Variants in CCDC178 observed in about 807,000 individuals in gnomAD.
CCDC178 encodes the protein coiled-coil domain containing 178, also known as coiled-coil domain-containing protein 178.
Under a neutral mutation model 117.4 loss-of-function variants are expected in CCDC178, and 126 were observed. That is an observed-to-expected ratio of 1.07 (90% CI 0.93 to 1.24). The LOEUF is 1.24. CCDC178 is among the 50% of genes most tolerant of loss of function. The pLI is 0.00. For synonymous variants in CCDC178, 283 were observed against 313.4 expected (o/e 0.90, Z 1.02); for missense variants, 1,030 against 986.9 (o/e 1.04, Z -0.59).
chr18:33,132,228 A>T (rs1223923120), intron 20 of CCDC178, among the ~76,000 whole-genome samples: 2 of 151,714 alleles, frequency 1.3e-5, no homozygotes, highest in Non-Finnish European at 3.0e-5. Flanking sequence ...CTCCAGGAAG[A>T]CAAATGAAAA....
At chr18:33,050,707 T>C (rs2056731194) in intron 21 of CCDC178, among the ~76,000 whole-genome samples, 1 of 152,182 alleles carries the variant, frequency 6.6e-6, no homozygotes, top group South Asian at 2.1e-4. Context: ...ACAAATCTTA[T>C]TGTTAGAGAG....
chr18:33,167,723 C>T lies in CCDC178; in HGVS notation c.2238+44173G>A, dbSNP rs9946206. On this transcript the variant is annotated intron_variant, in intron 20 of 22. Coordinates refer to ENST00000383096, the MANE Select transcript of CCDC178 (RefSeq NM_001105528.4). ...TACTAAAAATACAAAAAAAAATACC[C>T]GGGCGTGGTGGCATGCACCTGTAAT... Among the ~76,000 whole-genome samples, 1,142 of 151,848 alleles carry T rather than the reference C, an allele frequency of 7.5e-3. 19 individuals carry two copies. Among genetic ancestry groups the T allele is most frequent in the African/African-American group, 0.026 (1,068 of 41,396 alleles).
chr18:33,198,354 A>C (rs959200003), intron 20 of CCDC178, among the ~76,000 whole-genome samples: 1 of 152,162 alleles, frequency 6.6e-6, no homozygotes, highest in Non-Finnish European at 1.5e-5. Context: ...TATAGTAACT[A>C]AAAACAATTT....
In CCDC178 at chr18:33,173,716, C is replaced by T. The variant is rs565685152; in HGVS notation, c.2238+38180G>A. 2.0e-5 allele frequency among the ~76,000 whole-genome samples: 3 copies of T among 152,302 alleles called. No homozygotes were observed. The East Asian group carries it at 5.8e-4, about 29-fold the overall frequency. On this transcript the variant is annotated intron_variant, in intron 20 of 22. Transcript: ENST00000383096. ...TGCCTTCTCTAGCTAAAGCTTCTGC[C>T]GTGACTGTCCTTCCTTTGTCTTGCA... is the stretch of plus-strand genomic sequence containing the variant.
chr18:33,331,359 T>C lies in CCDC178; in HGVS notation c.879+1815A>G, dbSNP rs575591819. On this transcript the variant is annotated intron_variant, in intron 10 of 22. Transcript: ENST00000383096. ...TCACAGAAATATATCTGACTATCCT[T>C]TTGCTCTTCAGCCATCCTGAGTTGT... is the stretch of plus-strand genomic sequence containing the variant. Among the ~76,000 whole-genome samples the C allele has an allele frequency of 2.0e-5, 3 of 152,196 alleles. No individual in the cohort carries two copies. In the South Asian group the frequency reaches 6.2e-4, roughly 32 times the overall value.
At chr18:33,352,035 GGA>G (rs1411825286) in intron 7 of CCDC178, among the ~76,000 whole-genome samples, 1 of 152,140 alleles carries the variant, frequency 6.6e-6, no homozygotes, top group African/African-American at 2.4e-5. Context: ...ATTTACCAGT[GGA>G]GCCATCTGGT....
chr18:33,051,064 C>A (rs531358594), intron 21 of CCDC178, among the ~76,000 whole-genome samples: 47 of 152,168 alleles, frequency 3.1e-4, no homozygotes, highest in Middle Eastern at 3.4e-3. Context: ...AGGCGTGCAC[C>A]ACCTCGCCCA....
At chr18:33,136,253 C>G (rs156368) in intron 20 of CCDC178, among the ~76,000 whole-genome samples, 24,438 of 151,992 alleles carry the variant, frequency 0.16, 2,736 homozygotes, top group African/African-American at 0.32. Flanking sequence ...TGACATGTTC[C>G]CTTTCTCCCC....
At chr18:33,079,922 T>G (rs1047322771) in intron 21 of CCDC178, among the ~76,000 whole-genome samples, 1 of 152,214 alleles carries the variant, frequency 6.6e-6, no homozygotes, top group African/African-American at 2.4e-5. Flanking sequence ...ATTCCATTAC[T>G]TGGTATGTAC....
intron 21 of CCDC178, among the ~76,000 whole-genome samples, chr18:33,062,635 G>GC (rs1453530111): frequency 6.6e-6 from 1 of 152,136 alleles, no homozygotes; most frequent in Non-Finnish European, 1.5e-5. Flanking sequence ...CCAAGGGAGA[G>GC]CCCCTCAGCC....
intron 20 of CCDC178, among the ~76,000 whole-genome samples, chr18:33,100,813 T>C (rs1267986076): frequency 6.6e-6 from 1 of 152,026 alleles, no homozygotes; most frequent in African/African-American, 2.4e-5. Context: ...ATGCCACTTA[T>C]GTTAGCTATT....
intron 22 of CCDC178, among the ~76,000 whole-genome samples, chr18:32,972,270 T>C (rs1302045463): frequency 3.3e-5 from 5 of 152,178 alleles, no homozygotes; most frequent in Non-Finnish European, 4.4e-5. Flanking sequence ...ATTTATTAAA[T>C]AGGGAATCCT....
chr18:33,223,588 A>G (rs965583240), intron 17 of CCDC178, among the ~76,000 whole-genome samples: 1 of 152,158 alleles, frequency 6.6e-6, no homozygotes. Flanking sequence ...ACTGTGTGCT[A>G]AATTATTAAT....
At chr18:33,180,134 G>T (rs458002) in intron 20 of CCDC178, among the ~76,000 whole-genome samples, 24,470 of 151,626 alleles carry the variant, frequency 0.16, 2,760 homozygotes, top group African/African-American at 0.32. Context: ...AAACATCACA[G>T]TTTCCTACTG....
intron 12 of CCDC178, among the ~76,000 whole-genome samples, chr18:33,276,144 A>C (rs1361774914): frequency 6.6e-6 from 1 of 152,000 alleles, no homozygotes; most frequent in African/African-American, 2.4e-5. Flanking sequence ...CTTTGGGAAA[A>C]CTTTTTTGCA....
At chr18:33,086,493 C>G (rs1297386425) in intron 21 of CCDC178, among the ~76,000 whole-genome samples, 3 of 150,348 alleles carry the variant, frequency 2.0e-5, no homozygotes, top group Admixed American at 2.0e-4. Flanking sequence ...ATAATATTTT[C>G]CAAGGTTTAA....
intron 20 of CCDC178, among the ~76,000 whole-genome samples, chr18:33,096,235 A>T (rs1353282878): frequency 6.7e-6 from 1 of 149,632 alleles, no homozygotes; most frequent in Non-Finnish European, 1.5e-5. Context: ...GTAAATGGGG[A>T]CTAGGGACTT....
At chr18:33,088,670 T>G (rs1356641489) in intron 21 of CCDC178, among the ~76,000 whole-genome samples, 1 of 152,156 alleles carries the variant, frequency 6.6e-6, no homozygotes, top group Non-Finnish European at 1.5e-5. Context: ...GGATCAGAAG[T>G]ATTCCCTAGA....
chr18:33,362,636 T>C (rs2063146573), intron 6 of CCDC178, among the ~76,000 whole-genome samples: 1 of 151,962 alleles, frequency 6.6e-6, no homozygotes, highest in South Asian at 2.1e-4. Context: ...TAGTAACCAT[T>C]GTACTACTAT....
Sources: allele counts gnomAD v4.1 joint callset (sites outside exome capture counted in the v4.1 genomes callset), GRCh38; gene constraint gnomAD v4.1.1; transcripts MANE v1.5; gene names NCBI Gene and HGNC (gene_info 2026-07-23, HGNC 2026-07-21).